Variants in ZNF638 observed in about 807,000 individuals in gnomAD.
ZNF638 encodes zinc finger protein 638.
A neutral mutation model predicts 195.6 loss-of-function variants in ZNF638; 46 were observed. The ratio of observed to expected loss-of-function variants is 0.24; its 90% confidence interval spans 0.19 to 0.30. ZNF638 has a LOEUF of 0.30. Ranked by LOEUF, ZNF638 falls within the 10% of genes least tolerant of loss-of-function variation. The pLI, the probability that ZNF638 is intolerant of heterozygous loss-of-function variation, is 1.00. For missense variants in ZNF638, 2,440 were observed against 2,325.3 expected (o/e 1.05, Z -1.01); for synonymous variants, 845 against 772.0 (o/e 1.09, Z -1.57).
intron 10 of ZNF638, among the ~76,000 whole-genome samples, chr2:71,391,440 T>C (rs1573104457): frequency 6.6e-6 from 1 of 152,172 alleles, no homozygotes; most frequent in Non-Finnish European, 1.5e-5. Context: ...ATCATGTAAA[T>C]CAGGCTTTGC....
intron 25 of ZNF638, chr2:71,431,061 T>C (rs2080648060): frequency 3.3e-6 from 1 of 304,312 alleles, no homozygotes; most frequent in South Asian, 4.4e-5. Flanking sequence ...ATAGGACTTG[T>C]ATTACTTCGT....
intron 16 of ZNF638, among the ~76,000 whole-genome samples, chr2:71,402,374 A>G (rs986551490): frequency 3.3e-5 from 5 of 152,128 alleles, no homozygotes; most frequent in Non-Finnish European, 5.9e-5. Flanking sequence ...TAATAAATAT[A>G]TCTTTTACTA....
At position 71,349,542 on chromosome 2, in the gene ZNF638, A is replaced by G. The variant is rs2078906846; in HGVS notation, c.588A>G (p.Lys196=). Residue 196 remains lysine (K), a synonymous_variant, in exon 2 of 28, where the codon AAA becomes AAG. Coordinates refer to ENST00000264447, the MANE Select transcript of ZNF638 (RefSeq NM_014497.5). ...ATTTACCTTCTCAGAGCAGAAATAA[A>G]GAAACACTTGGTAGTGAAGCAGTTT... is the stretch of plus-strand genomic sequence containing the variant. The part of the protein sequence containing the change: ...LPNLPSQSRN[K]ETLGSEAVSS... 7 of 1,614,096 alleles carry G rather than the reference A, an allele frequency of 4.3e-6. No individual in the cohort carries two copies. The highest frequency in any genetic ancestry group is 5.9e-6 in the Non-Finnish European group (7 of 1,180,034).
Position 71,422,875 on chromosome 2 carries a change from T to G in ZNF638, c.3361T>G (p.Ser1121Ala), listed in dbSNP as rs773157702. 1 of 1,614,070 alleles carries G rather than the reference T, an allele frequency of 6.2e-7. No homozygotes were observed. The highest frequency in any genetic ancestry group is 1.7e-5 in the Admixed American group (1 of 60,024). The change falls in exon 22 of 28, where the codon TCT becomes GCT. Residue 1121 changes from serine to alanine, a missense_variant. By Grantham distance (99) the Ser-to-Ala change is moderately conservative. This residue lies in a region of ZNF638 where 1,883 missense variants were observed against 1,739.1 expected (regional missense o/e 1.08). Coordinates refer to ENST00000264447, the MANE Select transcript of ZNF638 (RefSeq NM_014497.5). ...SEVQTATDSPSVKPNELEEES... is the reference protein window; with the variant it reads ...SEVQTATDSPAVKPNELEEES... ...GGTGCAAACAGCAACTGATAGTCCCTCTGTTAAACCTAATGAGCTTGAAGA... is the reference window on the plus strand; with the variant it reads ...GGTGCAAACAGCAACTGATAGTCCCGCTGTTAAACCTAATGAGCTTGAAGA...
At chr2:71,391,940 C>T (rs1221550561) in intron 10 of ZNF638, among the ~76,000 whole-genome samples, 1 of 152,132 alleles carries the variant, frequency 6.6e-6, no homozygotes, top group East Asian at 1.9e-4. Flanking sequence ...CACTCCTCTA[C>T]AGGATTAATA....
In ZNF638 at chr2:71,421,605, G is replaced by T. The variant is rs567634126; in HGVS notation, c.3300-1209G>T. On this transcript the variant is annotated intron_variant, in intron 21 of 27. Coordinates refer to ENST00000264447, the MANE Select transcript of ZNF638 (RefSeq NM_014497.5). ...AGCACACAGATATACACCATCTTGTGTTGTTAACTGAAGGGTACATGGCCA... is the reference window on the plus strand; with the variant it reads ...AGCACACAGATATACACCATCTTGTTTTGTTAACTGAAGGGTACATGGCCA... Among the ~76,000 whole-genome samples, 3 of 152,208 alleles carry T rather than the reference G, an allele frequency of 2.0e-5. No individual in the cohort carries two copies. In the South Asian group the frequency reaches 6.2e-4, roughly 32 times the overall value.
In ZNF638 at chr2:71,423,798, T is replaced by A; in HGVS notation, c.4284T>A (p.Ala1428=). 1 of 1,614,000 alleles carries A rather than the reference T, an allele frequency of 6.2e-7. No individual in the cohort carries two copies. The change falls in exon 22 of 28, where the codon GCT becomes GCA. Residue 1428 remains alanine (A), a synonymous_variant. Coordinates refer to ENST00000264447, the MANE Select transcript of ZNF638 (RefSeq NM_014497.5). The part of the protein sequence containing the change: ...PKSVPRDQIN[A]EKKLSAKEFG... ...CTGTGCCCAGAGATCAAATAAATGC[T>A]GAAAAGAAACTTTCAGCCAAGGAAT...
At chr2:71,397,364 T>C (rs2079914650) in intron 11 of ZNF638, among the ~76,000 whole-genome samples, 1 of 152,334 alleles carries the variant, frequency 6.6e-6, no homozygotes, top group East Asian at 1.9e-4. Flanking sequence ...GTGGCAAAAG[T>C]CGTGAATGAC....
chr2:71,426,787 A>G lies in ZNF638; in HGVS notation c.4918A>G (p.Asn1640Asp), dbSNP rs763752553. The change falls in exon 24 of 28, where the codon AAT becomes GAT. Residue 1640 changes from asparagine to aspartate, a missense_variant. This residue lies in a region of ZNF638 where 1,883 missense variants were observed against 1,739.1 expected (regional missense o/e 1.08). Transcript: ENST00000264447. ...LNMEEMVKNS[N>D]SLFTLDELID... ...TATGGAAGAAATGGTAAAAAATTCA[A>G]ATTCACTTTTTACATTAGATGAATT... 28 of 1,613,152 alleles carry G rather than the reference A, an allele frequency of 1.7e-5. No individual in the cohort carries two copies. The highest frequency in any genetic ancestry group is 2.1e-5 in the Non-Finnish European group (25 of 1,179,588).
intron 17 of ZNF638, 131 bp from the exon 18 acceptor site, chr2:71,405,470 T>C (rs1324721858): frequency 1.7e-6 from 1 of 594,628 alleles, no homozygotes; most frequent in African/African-American, 2.0e-5. Context: ...TAAATCTTGC[T>C]GCTTCTTAAT....
chr2:71,389,455 G>A (rs1218656225), intron 10 of ZNF638, among the ~76,000 whole-genome samples: 2 of 152,182 alleles, frequency 1.3e-5, no homozygotes, highest in African/African-American at 4.8e-5. Flanking sequence ...GGACTGGTCA[G>A]TGCTAGCTAA....
intron 20 of ZNF638, among the ~76,000 whole-genome samples, chr2:71,411,460 A>ATTTTTTTTTTTTTTTTTTTT (rs2080222381): frequency 9.8e-6 from 1 of 101,974 alleles, no homozygotes; most frequent in Non-Finnish European, 2.1e-5. Context: ...TTTATTTTTT[A>ATTTTTTTTTTTTTTTTTTTT]TTTTTTATTT....
intron 13 of ZNF638, among the ~76,000 whole-genome samples, chr2:71,399,900 T>A (rs2079971890): frequency 1.3e-5 from 2 of 152,182 alleles, no homozygotes; most frequent in Admixed American, 6.5e-5. Context: ...TTATTTTCTT[T>A]AGATCATCTT....
At position 71,365,328 on chromosome 2, in the gene ZNF638, C is replaced by T. The variant is rs980329441; in HGVS notation, c.1718-101C>T. 22 of 943,912 alleles carry T rather than the reference C, an allele frequency of 2.3e-5. No individual in the cohort carries two copies. The South Asian group carries it at 4.6e-4, about 20-fold the overall frequency. 58.5% of individuals were successfully genotyped at this position (943,912 alleles called of 1,614,324 possible). Reference sequence around the variant, plus strand: ...TCTAGATTTTTGTATTGTCTGTGTGCTCCCTGTTTAGCTTGAGAATAGCAC... The same window carrying T: ...TCTAGATTTTTGTATTGTCTGTGTGTTCCCTGTTTAGCTTGAGAATAGCAC... On this transcript the variant is annotated intron_variant, in intron 5 of 27. Transcript: ENST00000264447.
At position 71,423,281 on chromosome 2, in the gene ZNF638, A is replaced by G. The variant is rs755973089; in HGVS notation, c.3767A>G (p.Gln1256Arg). ...EAEDFISGIT[Q>R]TMVEAVAEVE... The stretch of plus-strand genomic sequence containing the variant: ...GAAGATTTCATTTCTGGAATTACAC[A>G]GACTATGGTAGAAGCTGTAGCTGAA... The change falls in exon 22 of 28, where the codon CAG becomes CGG. Residue 1256 changes from glutamine (Q) to arginine (R), a missense_variant. Physicochemically the swap from Gln to Arg is conservative, Grantham distance 43 (BLOSUM62 1). This residue lies in a region of ZNF638 where 1,883 missense variants were observed against 1,739.1 expected (regional missense o/e 1.08). Transcript: ENST00000264447. 7 of 1,613,912 alleles carry G rather than the reference A, an allele frequency of 4.3e-6. No homozygotes were observed. In the South Asian group the frequency reaches 6.6e-5, roughly 15 times the overall value.
chr2:71,364,442 A>C (rs1253237934), intron 5 of ZNF638, among the ~76,000 whole-genome samples, 190 bp downstream of exon 5: 3 of 152,210 alleles, frequency 2.0e-5, no homozygotes, highest in African/African-American at 4.8e-5. Flanking sequence ...GTATGTGTCC[A>C]TCAACATCAT....
intron 20 of ZNF638, among the ~76,000 whole-genome samples, chr2:71,416,660 T>C (rs1247513511): frequency 2.5e-5 from 2 of 78,992 alleles, no homozygotes; most frequent in Non-Finnish European, 4.8e-5. Context: ...GTTTTCGGTG[T>C]AGATGTCCTT....
intron 2 of ZNF638, among the ~76,000 whole-genome samples, chr2:71,352,570 A>G (rs2078961542): frequency 6.6e-6 from 1 of 151,780 alleles, no homozygotes; most frequent in South Asian, 2.1e-4. Flanking sequence ...AGAAGACTAC[A>G]TTTCATTGTG....
intron 10 of ZNF638, among the ~76,000 whole-genome samples, chr2:71,384,458 C>T (rs2670712): frequency 2.6e-5 from 4 of 152,196 alleles, no homozygotes; most frequent in African/African-American, 4.8e-5. Context: ...TTTGTAGTCA[C>T]TCAGAATAGT....
Sources: gnomAD v4.1 joint callset for allele counts (sites outside exome capture counted in the v4.1 genomes callset) on GRCh38, gnomAD v4.1.1 for gene constraint, gnomAD v4.1.1 regional missense constraint, MANE v1.5 for transcripts, NCBI Gene and HGNC (gene_info 2026-07-23, HGNC 2026-07-21) for gene names.